Variants in BRD10 observed in about 807,000 individuals in gnomAD.
BRD10 encodes bromodomain containing 10.
At chr9:5,898,966 A>G in the BRD10 span, 1 of 152,282 alleles carries the variant, frequency 6.6e-6, no homozygotes, top group South Asian at 2.1e-4. Flanking sequence ...AGCTAACACA[A>G]TTACACAATC....
the BRD10 span, among the ~76,000 whole-genome samples, chr9:5,882,074 C>T: frequency 6.6e-6 from 1 of 152,134 alleles, no homozygotes; most frequent in Non-Finnish European, 1.5e-5. Flanking sequence ...TTTAGATGTG[C>T]GACCCCATTC....
At chr9:5,924,971 T>C in the BRD10 span, 1 of 669,928 alleles carries the variant, frequency 1.5e-6, no homozygotes, top group East Asian at 3.1e-5. Flanking sequence ...AATGCTTTAA[T>C]CTTAAGTGTG....
chr9:5,961,388 T>C, the BRD10 span, among the ~76,000 whole-genome samples: 2 of 152,152 alleles, frequency 1.3e-5, no homozygotes, highest in Non-Finnish European at 2.9e-5. Flanking sequence ...TGTCTCTATA[T>C]TCTTTAAAGA....
chr9:5,982,291 G>C, the BRD10 span, among the ~76,000 whole-genome samples: 3 of 152,128 alleles, frequency 2.0e-5, no homozygotes, highest in South Asian at 2.1e-4. Flanking sequence ...TGGACAAACA[G>C]TGCAGGACTG....
chr9:5,973,667 T>C, the BRD10 span, among the ~76,000 whole-genome samples: 39 of 152,184 alleles, frequency 2.6e-4, no homozygotes, highest in South Asian at 4.1e-4. Flanking sequence ...GGTGGGAGGA[T>C]AGCTTAAGCC....
the BRD10 span, chr9:5,922,238 T>C: frequency 3.1e-6 from 5 of 1,613,842 alleles, no homozygotes; most frequent in Non-Finnish European, 4.2e-6. Flanking sequence ...TGCAAAACAG[T>C]TGAAGGAACT....
the BRD10 span, among the ~76,000 whole-genome samples, chr9:5,967,694 G>GAA: frequency 0.57 from 70,364 of 123,376 alleles, 20,625 homozygotes; most frequent in Non-Finnish European, 0.61. Context: ...CCCTTAGCCT[G>GAA]AAAAAAAAAA....
the BRD10 span, among the ~76,000 whole-genome samples, chr9:5,938,406 A>AT: frequency 6.6e-6 from 1 of 152,150 alleles, no homozygotes; most frequent in East Asian, 1.9e-4. Flanking sequence ...TGATCGTGCC[A>AT]TTGCACTCCA....
the BRD10 span, chr9:5,921,187 G>A: frequency 1.2e-6 from 2 of 1,613,802 alleles, no homozygotes; most frequent in Non-Finnish European, 1.7e-6. Flanking sequence ...CTCCTTTTGG[G>A]GTTACATTTT....
At chr9:5,937,705 G>C in the BRD10 span, among the ~76,000 whole-genome samples, 3 of 152,212 alleles carry the variant, frequency 2.0e-5, no homozygotes, top group African/African-American at 2.4e-5. Context: ...CTTTGGAAGA[G>C]AGAGGTTTTC....
the BRD10 span, among the ~76,000 whole-genome samples, chr9:5,939,296 C>T: frequency 2.0e-5 from 3 of 151,978 alleles, no homozygotes; most frequent in Non-Finnish European, 4.4e-5. Context: ...AGTTTTATAA[C>T]ATTATTTTAT....
chr9:5,967,600 T>C, the BRD10 span, among the ~76,000 whole-genome samples: 124 of 151,688 alleles, frequency 8.2e-4, no homozygotes, highest in Non-Finnish European at 1.6e-3. Context: ...TGACTACCCT[T>C]GGTTTAAGCA....
the BRD10 span, chr9:5,919,939 C>A: frequency 1.2e-5 from 20 of 1,613,822 alleles, no homozygotes; most frequent in African/African-American, 2.7e-4. Flanking sequence ...TGGCAGAAAC[C>A]AAAGATGTCT....
At chr9:5,934,440 C>T in the BRD10 span, among the ~76,000 whole-genome samples, 1 of 149,632 alleles carries the variant, frequency 6.7e-6, no homozygotes, top group Non-Finnish European at 1.5e-5. Flanking sequence ...CTCATGGCAA[C>T]CTCCACCTCC....
the BRD10 span, among the ~76,000 whole-genome samples, chr9:5,913,044 T>C: frequency 6.6e-6 from 1 of 152,240 alleles, no homozygotes; most frequent in East Asian, 1.9e-4. Context: ...CAAGTCTCTA[T>C]GCATTTCCCT....
At chr9:5,977,274 C>G in the BRD10 span, among the ~76,000 whole-genome samples, 1 of 152,174 alleles carries the variant, frequency 6.6e-6, no homozygotes, top group African/African-American at 2.4e-5. Flanking sequence ...TCCTCATACA[C>G]TGTACCTTTC....
the BRD10 span, among the ~76,000 whole-genome samples, chr9:5,900,188 A>G: frequency 5.5e-4 from 83 of 152,278 alleles, no homozygotes; most frequent in African/African-American, 1.8e-3. Context: ...CATTTAATTG[A>G]AAAATAACAG....
chr9:5,880,506 T>A, the BRD10 span, among the ~76,000 whole-genome samples: 2 of 151,788 alleles, frequency 1.3e-5, no homozygotes, highest in African/African-American at 2.4e-5. Context: ...AGAGTGAGAC[T>A]CTGTCTCAAA....
At chr9:5,907,688 C>A in the BRD10 span, among the ~76,000 whole-genome samples, 4 of 152,208 alleles carry the variant, frequency 2.6e-5, no homozygotes, top group African/African-American at 9.7e-5. Flanking sequence ...CATGGTGGCT[C>A]ACACCTGTAA....
Sources: gnomAD v4.1 joint callset for allele counts (sites outside exome capture counted in the v4.1 genomes callset) on GRCh38, gnomAD v4.1.1 for gene constraint, MANE v1.5 for transcripts, NCBI Gene and HGNC (gene_info 2026-07-23, HGNC 2026-07-21) for gene names.